Variants in SMTNL1 observed in about 807,000 individuals in gnomAD.
SMTNL1 encodes smoothelin like 1, also known as smoothelin-like protein 1.
A neutral mutation model predicts 46.6 loss-of-function variants in SMTNL1; 41 were observed. That is an observed-to-expected ratio of 0.88 (90% CI 0.69 to 1.14). SMTNL1 has a LOEUF of 1.14. Ranked by LOEUF, SMTNL1 falls within the 50% of genes most tolerant of loss-of-function variation. The probability of loss-of-function intolerance (pLI) is 0.00; values close to 1 mark genes in which losing one functional copy is unlikely to be tolerated. For synonymous variants in SMTNL1, 234 were observed against 234.2 expected (o/e 1.00, Z 0.01); for missense variants, 591 against 626.1 (o/e 0.94, Z 0.60).
At position 57,546,352 on chromosome 11, in the gene SMTNL1, G is replaced by A. The variant is rs1228013227; in HGVS notation, c.1188+5G>A. ...GCCATGACAAAAAAATACGAGGTGG[G>A]CATGGGGCAGAGCTGCGTGGGTGGG... On this transcript the variant is annotated splice_donor_5th_base_variant and intron_variant, in intron 6 of 7. Transcript: ENST00000527972. The A allele has an allele frequency of 1.2e-6, 2 of 1,602,400 alleles. No homozygotes were observed. Among genetic ancestry groups the A allele is most frequent in the Non-Finnish European group, 8.5e-7 (1 of 1,174,738 alleles).
chr11:57,541,654 C>T (rs1944878925), intron 1 of SMTNL1: 1 of 1,257,792 alleles, frequency 8.0e-7, no homozygotes, highest in Non-Finnish European at 1.1e-6. Context: ...CTCCAGAGAC[C>T]AGTTGGCCCT....
At chr11:57,544,660 T>G (rs1944908024) in intron 4 of SMTNL1, among the ~76,000 whole-genome samples, 1 of 152,376 alleles carries the variant, frequency 6.6e-6, no homozygotes, top group East Asian at 1.9e-4. Context: ...ATAGCAATTG[T>G]ATCTACCTCG....
At chr11:57,546,163 A>G in intron 5 of SMTNL1, 70 bp from the exon 6 acceptor site, 3 of 1,506,272 alleles carry the variant, frequency 2.0e-6, no homozygotes, top group Non-Finnish European at 2.7e-6. Context: ...GGGGCTGGGG[A>G]TCCTCCCAGT....
At chr11:57,549,823 G>A (rs1590805383) in intron 7 of SMTNL1, 145 bp from the exon 8 acceptor site, 4 of 808,418 alleles carry the variant, frequency 4.9e-6, no homozygotes, top group Non-Finnish European at 7.8e-6. Flanking sequence ...TATATAATGG[G>A]ATGATTGGCT....
At chr11:57,545,320 C>A (rs538488717) in intron 4 of SMTNL1, among the ~76,000 whole-genome samples, 1 of 152,110 alleles carries the variant, frequency 6.6e-6, no homozygotes, top group East Asian at 1.9e-4. Flanking sequence ...AGAGGCAAAG[C>A]CATGCCAAGC....
At chr11:57,545,348 T>C (rs1944913329) in intron 4 of SMTNL1, among the ~76,000 whole-genome samples, 2 of 152,036 alleles carry the variant, frequency 1.3e-5, no homozygotes, top group East Asian at 2.0e-4. Context: ...CTCACACCTA[T>C]AATCCCAGCA....
chr11:57,541,518 G>A (rs768096392), intron 1 of SMTNL1: 1 of 1,367,464 alleles, frequency 7.3e-7, no homozygotes. Flanking sequence ...GCTCCCGGGG[G>A]CAGTTGGAGA....
At chr11:57,538,167 A>C (rs1944843847) in intron 1 of SMTNL1, among the ~76,000 whole-genome samples, 1 of 152,136 alleles carries the variant, frequency 6.6e-6, no homozygotes, top group Non-Finnish European at 1.5e-5. Context: ...CCCTAGTCTA[A>C]GCAATTGAGG....
At chr11:57,541,876 A>G (rs758419162) in intron 1 of SMTNL1, among the ~76,000 whole-genome samples, 1 of 152,194 alleles carries the variant, frequency 6.6e-6, no homozygotes, top group African/African-American at 2.4e-5. Flanking sequence ...AATAAATACA[A>G]TGGAAACAAA....
At chr11:57,544,591 T>C (rs562952170) in intron 4 of SMTNL1, among the ~76,000 whole-genome samples, 1 of 152,226 alleles carries the variant, frequency 6.6e-6, no homozygotes, top group South Asian at 2.1e-4. Context: ...GGTTCTGCCA[T>C]GTACCAGCTG....
chr11:57,549,155 A>G (rs1944941290), intron 7 of SMTNL1, among the ~76,000 whole-genome samples: 1 of 151,676 alleles, frequency 6.6e-6, no homozygotes, highest in South Asian at 2.1e-4. Context: ...CCTCCCGAGT[A>G]ACTGGGAATA....
intron 7 of SMTNL1, 117 bp downstream of exon 7, chr11:57,546,769 A>G: frequency 3.1e-6 from 4 of 1,310,460 alleles, no homozygotes; most frequent in Non-Finnish European, 4.2e-6. Flanking sequence ...TCATGTATCC[A>G]ACAGACATTT....
At chr11:57,549,370 G>A (rs183628974) in intron 7 of SMTNL1, among the ~76,000 whole-genome samples, 3 of 151,916 alleles carry the variant, frequency 2.0e-5, no homozygotes, top group Admixed American at 6.6e-5. Context: ...GAAGCTCCCC[G>A]GTTCCAGAGG....
chr11:57,549,941 T>C (rs1404784825), intron 7 of SMTNL1, 27 bp from the exon 8 acceptor site: 1 of 1,612,716 alleles, frequency 6.2e-7, no homozygotes, highest in Non-Finnish European at 8.5e-7. Context: ...TTTGACCTTC[T>C]GCTCCTCATT....
intron 4 of SMTNL1, among the ~76,000 whole-genome samples, chr11:57,545,299 C>T (rs954257707): frequency 6.6e-6 from 1 of 152,070 alleles, no homozygotes; most frequent in African/African-American, 2.4e-5. Flanking sequence ...CCCAAGATCA[C>T]ACAGCAAATA....
At chr11:57,540,580 T>C (rs751488767) in intron 1 of SMTNL1, among the ~76,000 whole-genome samples, 1 of 152,156 alleles carries the variant, frequency 6.6e-6, no homozygotes, top group Non-Finnish European at 1.5e-5. Flanking sequence ...CAGTTGAAAC[T>C]GAGGCCCAGA....
Position 57,543,110 on chromosome 11 carries a change from C to G in SMTNL1, c.468C>G (p.Asp156Glu). 6 of 1,612,548 alleles carry G rather than the reference C, an allele frequency of 3.7e-6. No homozygotes were observed. The highest frequency in any genetic ancestry group is 5.1e-6 in the Non-Finnish European group (6 of 1,179,240). The change falls in exon 2 of 8, where the codon GAC (aspartate) becomes GAG (glutamate). Residue 156 changes from aspartate to glutamate, a missense_variant. Asp to Glu is a conservative substitution (Grantham distance 45). Transcript: ENST00000527972. ...PESGQKADAN[D>E]RDKPEPKATV... is the part of the protein sequence containing the mutation. ...CTGGGCAGAAAGCCGATGCCAATGA[C>G]AGAGACAAGCCTGAACCTAAGGCAA...
At chr11:57,538,812 G>A (rs951727705) in intron 1 of SMTNL1, among the ~76,000 whole-genome samples, 2 of 152,214 alleles carry the variant, frequency 1.3e-5, no homozygotes, top group African/African-American at 4.8e-5. Flanking sequence ...ATGACCAAGA[G>A]AAAGCAGGGC....
chr11:57,549,653 G>A (rs1944943842), intron 7 of SMTNL1, among the ~76,000 whole-genome samples: 1 of 152,206 alleles, frequency 6.6e-6, no homozygotes, highest in African/African-American at 2.4e-5. Context: ...GGGATTATAG[G>A]TGTGAGCCAC....
Sources: allele counts gnomAD v4.1 joint callset (sites outside exome capture counted in the v4.1 genomes callset), GRCh38; gene constraint gnomAD v4.1.1; transcripts MANE v1.5; gene names NCBI Gene and HGNC (gene_info 2026-07-23, HGNC 2026-07-21).